The following ATXN7L1 variants were observed in gnomAD, a reference collection of about 807,000 sequenced individuals.
ATXN7L1 encodes ataxin 7 like 1, also known as ataxin-7-like protein 1.
Under a neutral mutation model 70.8 loss-of-function variants are expected in ATXN7L1, and 15 were observed. That is an observed-to-expected ratio of 0.21 (90% CI 0.14 to 0.33). The LOEUF (loss-of-function observed/expected upper bound fraction) is 0.33. Ranked by LOEUF, ATXN7L1 falls within the 10% of genes least tolerant of loss-of-function variation. The pLI, the probability that ATXN7L1 is intolerant of heterozygous loss-of-function variation, is 1.00. For synonymous variants in ATXN7L1, 440 were observed against 445.1 expected (o/e 0.99, Z 0.14); for missense variants, 975 against 1,097.1 (o/e 0.89, Z 1.57).
intron 2 of ATXN7L1, 129 bp from the exon 3 acceptor site, chr7:105,788,837 C>T (rs975758198): frequency 1.0e-4 from 75 of 723,246 alleles, no homozygotes; most frequent in East Asian, 2.2e-4. Context: ...ATAATCTTTA[C>T]TAACGGGAAC....
rs1362513444 is a variant in ATXN7L1, at chr7:105,614,068, C to G, written c.2266G>C (p.Asp756His). 2.6e-6 allele frequency: 4 copies of G among 1,551,658 alleles called. No individual in the cohort carries two copies. Among genetic ancestry groups the G allele is most frequent in the East Asian group, 2.4e-5 (1 of 40,932 alleles). Residue 756 changes from aspartate to histidine, a missense_variant, in exon 10 of 12, where the codon GAC (aspartate) becomes CAC (histidine). Coordinates refer to ENST00000419735, the MANE Select transcript of ATXN7L1 (RefSeq NM_020725.2). The surrounding 1 kb of genome is among the most constrained non-coding windows in gnomAD (Gnocchi z 4.3). ...GCATTGTGTGAGGCCAGAGAGAGGT[C>G]CCCTGCGTGGAGCGCAAGGGAGGGC... The part of the protein sequence containing the change: ...SVPSLALHAG[D>H]LSLASHNAVS...
rs542236399 is a variant in ATXN7L1, at chr7:105,851,248, G to A, written c.250+24564C>T. Among the ~76,000 whole-genome samples the A allele has an allele frequency of 5.9e-4, 90 of 152,220 alleles. 1 individual carries two copies. The Middle Eastern group carries it at 0.024, about 40-fold the overall frequency. On this transcript the variant is annotated intron_variant, in intron 2 of 11. Coordinates refer to ENST00000419735, the MANE Select transcript of ATXN7L1 (RefSeq NM_020725.2). ...CCAAATGAGCAAGCAGAGGAACAGA[G>A]AGGCAAGGTAGCTAGCCTAAAGTCA...
Position 105,748,806 on chromosome 7 carries a change from C to T in ATXN7L1, c.355+39798G>A, listed in dbSNP as rs182364031. ...CCTGTGTCTCTAGAGCTGGGCCCAC[C>T]CCGGAGATAAGGAGATCGTCAGGTG... On this transcript the variant is annotated intron_variant, in intron 3 of 11. Coordinates refer to ENST00000419735, the MANE Select transcript of ATXN7L1 (RefSeq NM_020725.2). Among the ~76,000 whole-genome samples, 265 of 152,262 alleles carry T rather than the reference C, an allele frequency of 1.7e-3. 1 individual carries two copies. The highest frequency in any genetic ancestry group is 6.0e-3 in the African/African-American group (250 of 41,540).
intron 2 of ATXN7L1, among the ~76,000 whole-genome samples, chr7:105,850,012 T>G (rs559094528): frequency 6.6e-6 from 1 of 152,226 alleles, no homozygotes; most frequent in Non-Finnish European, 1.5e-5. Flanking sequence ...CCCACTTCCA[T>G]TGTAACATCT....
At chr7:105,818,103 A>G (rs1809467543) in intron 2 of ATXN7L1, among the ~76,000 whole-genome samples, 1 of 152,216 alleles carries the variant, frequency 6.6e-6, no homozygotes, top group South Asian at 2.1e-4. Context: ...CATTCTGGTG[A>G]GTGCTGGATA....
At chr7:105,796,706 T>C in intron 2 of ATXN7L1, among the ~76,000 whole-genome samples, 1 of 152,244 alleles carries the variant, frequency 6.6e-6, no homozygotes, top group East Asian at 1.9e-4. Context: ...GCACTTATTA[T>C]ACTGTATTTA....
At chr7:105,613,550 C>G in intron 10 of ATXN7L1, 1 of 1,290,598 alleles carries the variant, frequency 7.7e-7, no homozygotes, top group Non-Finnish European at 9.9e-7. Flanking sequence ...GTGGGGAACT[C>G]AGAATCTCTC....
At chr7:105,757,584 T>C (rs1436528569) in intron 3 of ATXN7L1, among the ~76,000 whole-genome samples, 69 of 145,490 alleles carry the variant, frequency 4.7e-4, no homozygotes, top group Non-Finnish European at 1.5e-4. Flanking sequence ...CTGTATTTTT[T>C]TTTTTTTTTT....
intron 2 of ATXN7L1, among the ~76,000 whole-genome samples, chr7:105,812,605 C>T (rs944285475): frequency 2.0e-5 from 3 of 152,180 alleles, no homozygotes; most frequent in African/African-American, 4.8e-5. Flanking sequence ...TAACATTTCC[C>T]TGCAGTTGTC....
At chr7:105,617,982 C>T (rs765912027) in intron 9 of ATXN7L1, 9 of 456,630 alleles carry the variant, frequency 2.0e-5, no homozygotes, top group South Asian at 3.1e-5. Context: ...CGGGGTGCTA[C>T]GCTCTCCAGA....
chr7:105,814,715 G>A (rs1808941910), intron 2 of ATXN7L1, among the ~76,000 whole-genome samples: 1 of 152,160 alleles, frequency 6.6e-6, no homozygotes, highest in Non-Finnish European at 1.5e-5. Context: ...GAGTCAGAAA[G>A]GGGATTGACA....
chr7:105,688,368 C>T (rs1040726450), intron 3 of ATXN7L1, among the ~76,000 whole-genome samples: 1 of 152,102 alleles, frequency 6.6e-6, no homozygotes, highest in South Asian at 2.1e-4. Context: ...ATGGAGGAAA[C>T]CCCATCTCTA....
chr7:105,628,653 C>A (rs1026917367), intron 7 of ATXN7L1, among the ~76,000 whole-genome samples: 9 of 151,682 alleles, frequency 5.9e-5, no homozygotes, highest in Non-Finnish European at 1.2e-4. Flanking sequence ...ATTAGCCGGG[C>A]ATGGTGGCGG....
At chr7:105,649,093 T>C (rs1391138761) in intron 4 of ATXN7L1, among the ~76,000 whole-genome samples, 1 of 152,206 alleles carries the variant, frequency 6.6e-6, no homozygotes, top group Admixed American at 6.5e-5. Flanking sequence ...AAAGGATGCA[T>C]GTGCACACTT....
intron 3 of ATXN7L1, among the ~76,000 whole-genome samples, chr7:105,688,764 TG>T (rs1159426885): frequency 1.3e-5 from 2 of 152,200 alleles, no homozygotes; most frequent in Non-Finnish European, 2.9e-5. Context: ...ACTGGCAGTC[TG>T]CCTGCCCTGA....
chr7:105,705,984 A>G (rs181504395), intron 3 of ATXN7L1, among the ~76,000 whole-genome samples: 339 of 152,342 alleles, frequency 2.2e-3, no homozygotes, highest in Non-Finnish European at 4.2e-3. Context: ...GTACTGGTAC[A>G]TAGCAGGCAC....
At chr7:105,627,475 A>T (rs1159165138) in intron 7 of ATXN7L1, among the ~76,000 whole-genome samples, 1 of 149,600 alleles carries the variant, frequency 6.7e-6, no homozygotes, top group African/African-American at 2.5e-5. Flanking sequence ...GCCTCAAATG[A>T]TGCTACTTGC....
Position 105,606,951 on chromosome 7 carries a change from C to T in ATXN7L1, c.*901G>A, listed in dbSNP as rs1233032669. The T allele has an allele frequency of 6.6e-6, 1 of 152,296 alleles. No homozygotes were observed. Among genetic ancestry groups the T allele is most frequent in the African/African-American group, 2.4e-5 (1 of 41,434 alleles). 9.4% of individuals were successfully genotyped at this position (152,296 alleles called of 1,614,324 possible). ...CTTTCTGGGTTCTCACGACCTTTTT[C>T]CTGGGATTTCTCCCTCCTAGCTCAC... On this transcript the variant is annotated 3_prime_UTR_variant, in exon 12 of 12. Coordinates refer to ENST00000419735, the MANE Select transcript of ATXN7L1 (RefSeq NM_020725.2).
At position 105,795,105 on chromosome 7, in the gene ATXN7L1, C is replaced by A. The variant is rs956735977; in HGVS notation, c.251-6397G>T. Among the ~76,000 whole-genome samples the A allele has an allele frequency of 4.0e-4, 61 of 152,346 alleles. 1 individual carries two copies. Among genetic ancestry groups the A allele is most frequent in the African/African-American group, 1.4e-3 (57 of 41,574 alleles). Reference sequence around the variant, plus strand: ...TCCTCCCGCTGAAATCTGCTTCTCACACCCCCAGGTGGCAGAGGAGGGAGG... The same window carrying A: ...TCCTCCCGCTGAAATCTGCTTCTCAAACCCCCAGGTGGCAGAGGAGGGAGG... On this transcript the variant is annotated intron_variant, in intron 2 of 11. Transcript: ENST00000419735.
Sources: allele counts gnomAD v4.1 joint callset (sites outside exome capture counted in the v4.1 genomes callset), GRCh38; gene constraint gnomAD v4.1.1; non-coding constraint Gnocchi (gnomAD v3.1); transcripts MANE v1.5; gene names NCBI Gene and HGNC (gene_info 2026-07-23, HGNC 2026-07-21).